STIM2: variants seen among roughly 807,000 people sequenced by gnomAD.
STIM2 encodes the protein stromal interaction molecule 2.
STIM2 carries 31 observed loss-of-function variants against 85.8 expected under a neutral mutation model. The ratio of observed to expected loss-of-function variants is 0.36; its 90% CI spans 0.27 to 0.49. The LOEUF is 0.49. Among genes scored for constraint, STIM2 ranks in the 20% least tolerant of loss-of-function variants. STIM2 has a pLI of 0.98. For missense variants in STIM2, 841 were observed against 927.6 expected, an observed-to-expected ratio of 0.91 and a Z score of 1.21; for synonymous variants, 356 against 331.1, an observed-to-expected ratio of 1.08 and a Z score of -0.82.
intron 1 of STIM2, among the ~76,000 whole-genome samples, chr4:26,919,072 T>C (rs891991216): frequency 3.9e-5 from 6 of 152,064 alleles, no homozygotes; most frequent in African/African-American, 1.4e-4. Context: ...AGGACTCATT[T>C]TGATTAAACT....
rs1204854612 is a variant in STIM2, at chr4:26,957,815, C to CA, written c.397+96dup. 4.5e-5 allele frequency: 32 copies of CA among 717,884 alleles called. No homozygotes were observed. In the South Asian group the frequency reaches 4.6e-4, roughly 10 times the overall value. 44.5% of individuals were successfully genotyped at this position (717,884 alleles called of 1,614,324 possible). A position where few individuals can be genotyped will look rare whatever the true frequency, so the allele number is the denominator to read the frequency against. On this transcript the variant is annotated intron_variant, in intron 3 of 11. Transcript: ENST00000467087. The stretch of plus-strand genomic sequence containing the variant: ...CAACTCACTTATAGTATGCTTTTAC[C>CA]AAAAAAATCAAAATAACATTTCTGT...
chr4:26,922,568 G>A (rs1724845224), intron 2 of STIM2, among the ~76,000 whole-genome samples: 1 of 152,156 alleles, frequency 6.6e-6, no homozygotes, highest in South Asian at 2.1e-4. Context: ...AGGTATGGGG[G>A]CGGTGTGCTC....
intron 1 of STIM2, among the ~76,000 whole-genome samples, chr4:26,876,414 A>G (rs1453568417): frequency 6.6e-6 from 1 of 152,040 alleles, no homozygotes; most frequent in East Asian, 1.9e-4. Context: ...GTTTCCTTTA[A>G]CTCAGGGTTG....
intron 10 of STIM2, among the ~76,000 whole-genome samples, chr4:27,013,309 A>G (rs576845462): frequency 7.0e-4 from 106 of 152,024 alleles, no homozygotes; most frequent in African/African-American, 2.4e-3. Context: ...TATTATTATA[A>G]TTGTTCTTTT....
At chr4:26,861,547 C>A in intron 1 of STIM2, 178 bp downstream of exon 1, 1 of 943,590 alleles carries the variant, frequency 1.1e-6, no homozygotes. Context: ...CTTTCCTTTT[C>A]ACCCCGACAC....
At chr4:26,896,697 A>T (rs1045995560) in intron 1 of STIM2, among the ~76,000 whole-genome samples, 1 of 152,240 alleles carries the variant, frequency 6.6e-6, no homozygotes, top group African/African-American at 2.4e-5. Flanking sequence ...GGGAAAACTG[A>T]TAGTAGCATA....
intron 1 of STIM2, among the ~76,000 whole-genome samples, chr4:26,918,712 T>G (rs891955676): frequency 1.3e-5 from 2 of 152,192 alleles, no homozygotes; most frequent in East Asian, 3.8e-4. Context: ...GGTTGTTAGC[T>G]AGTTATGTGC....
chr4:26,922,445 C>T (rs1724840087), intron 2 of STIM2, among the ~76,000 whole-genome samples: 1 of 152,152 alleles, frequency 6.6e-6, no homozygotes, highest in Non-Finnish European at 1.5e-5. Flanking sequence ...AACTGAGCTT[C>T]TGCAGTTTCA....
chr4:27,015,771 T>C (rs1289755959), intron 10 of STIM2, among the ~76,000 whole-genome samples: 1 of 146,516 alleles, frequency 6.8e-6, no homozygotes, highest in Non-Finnish European at 1.5e-5. Context: ...ATAATATGAT[T>C]GGGTGTGGAT....
At chr4:26,917,304 T>C (rs1379865789) in intron 1 of STIM2, among the ~76,000 whole-genome samples, 1 of 152,204 alleles carries the variant, frequency 6.6e-6, no homozygotes, top group African/African-American at 2.4e-5. Context: ...CGTTTACTTA[T>C]TTATCTTGTT....
chr4:26,970,454 C>A (rs906611953), intron 3 of STIM2, among the ~76,000 whole-genome samples: 1 of 151,398 alleles, frequency 6.6e-6, no homozygotes, highest in South Asian at 2.1e-4. Context: ...TCCAAGTGAT[C>A]TCATTGTTCA....
chr4:26,999,284 C>T lies in STIM2; in HGVS notation c.562C>T (p.Arg188Trp), dbSNP rs373462253. The change falls in exon 5 of 12, where the codon CGG becomes TGG. Residue 188 changes from arginine to tryptophan, a missense_variant. This residue lies in a region of STIM2 where 408 missense variants were observed against 525.4 expected (regional missense o/e 0.78). Coordinates refer to ENST00000467087, the MANE Select transcript of STIM2 (RefSeq NM_020860.4). ...GATCTCCCAGTTGAAAATCAGTGAC[C>T]GGAGTCACAGACAAAAACTTCAGCT... The T allele has an allele frequency of 3.7e-6, 6 of 1,608,918 alleles. No individual in the cohort carries two copies. Among genetic ancestry groups the T allele is most frequent in the Admixed American group, 1.7e-5 (1 of 59,386 alleles).
intron 3 of STIM2, among the ~76,000 whole-genome samples, chr4:26,961,930 T>C (rs1726488958): frequency 6.6e-6 from 1 of 152,144 alleles, no homozygotes; most frequent in East Asian, 1.9e-4. Context: ...TTTTTATTTT[T>C]TGTTGGGACG....
chr4:27,001,923 T>TG (rs2109131130), intron 5 of STIM2, among the ~76,000 whole-genome samples: 1 of 152,296 alleles, frequency 6.6e-6, no homozygotes, highest in African/African-American at 2.4e-5. Context: ...TGATTGGAGG[T>TG]GCTGTTGCTT....
At chr4:26,899,081 T>C (rs1459423631) in intron 1 of STIM2, among the ~76,000 whole-genome samples, 1 of 152,066 alleles carries the variant, frequency 6.6e-6, no homozygotes, top group Non-Finnish European at 1.5e-5. Context: ...TGGCTGTATT[T>C]TGCTATAGAT....
intron 10 of STIM2, among the ~76,000 whole-genome samples, chr4:27,017,137 T>G (rs1373379618): frequency 6.6e-6 from 1 of 152,234 alleles, no homozygotes; most frequent in African/African-American, 2.4e-5. Context: ...GAGTCTCAAC[T>G]GAGACTGGTA....
At chr4:26,966,491 T>C (rs1726723013) in intron 3 of STIM2, among the ~76,000 whole-genome samples, 1 of 152,204 alleles carries the variant, frequency 6.6e-6, no homozygotes, top group Non-Finnish European at 1.5e-5. Flanking sequence ...CTTTTGTTTC[T>C]TTCTCAGACA....
At chr4:26,879,059 C>T (rs1441199538) in intron 1 of STIM2, among the ~76,000 whole-genome samples, 5 of 152,154 alleles carry the variant, frequency 3.3e-5, no homozygotes, top group African/African-American at 1.2e-4. Context: ...TTTCTTGCTG[C>T]TTTGTCTCCC....
At chr4:26,920,923 T>C (rs1724771292) in intron 2 of STIM2, among the ~76,000 whole-genome samples, 1 of 152,224 alleles carries the variant, frequency 6.6e-6, no homozygotes. Context: ...TGGCAGACTT[T>C]TTCTGCAAAG....
Sources: allele counts gnomAD v4.1 joint callset (sites outside exome capture counted in the v4.1 genomes callset), GRCh38; gene constraint gnomAD v4.1.1; regional missense constraint gnomAD v4.1.1; transcripts MANE v1.5; gene names NCBI Gene and HGNC (gene_info 2026-07-23, HGNC 2026-07-21).